Variants in PAPSS1 observed in about 807,000 individuals in gnomAD.
PAPSS1 encodes 3'-phosphoadenosine 5'-phosphosulfate synthase 1.
PAPSS1 carries 50 observed loss-of-function variants against 72.0 expected under a neutral mutation model. That is an observed-to-expected ratio of 0.69 (90% CI 0.55 to 0.88). The LOEUF (loss-of-function observed/expected upper bound fraction) is 0.88. PAPSS1 is among the 40% of genes least tolerant of loss of function. PAPSS1 has a pLI of 0.00. For synonymous variants in PAPSS1, 261 were observed against 263.6 expected, an observed-to-expected ratio of 0.99 and a Z score of 0.09; for missense variants, 657 against 782.2, an observed-to-expected ratio of 0.84 and a Z score of 1.91.
intron 10 of PAPSS1, among the ~76,000 whole-genome samples, chr4:107,643,163 G>A (rs56282641): frequency 0.23 from 34,235 of 152,050 alleles, 3,910 homozygotes; most frequent in East Asian, 0.37. Flanking sequence ...AGCCAGACAC[G>A]AAAGAGTATA....
At chr4:107,662,921 T>C (rs905060197) in intron 5 of PAPSS1, among the ~76,000 whole-genome samples, 2 of 152,206 alleles carry the variant, frequency 1.3e-5, no homozygotes, top group African/African-American at 2.4e-5. Context: ...GACAATACGA[T>C]GTGCATTAAG....
chr4:107,659,147 T>C (rs1727099022), intron 6 of PAPSS1, among the ~76,000 whole-genome samples: 1 of 152,216 alleles, frequency 6.6e-6, no homozygotes, highest in Non-Finnish European at 1.5e-5. Flanking sequence ...TTCTCCCTTC[T>C]TGTCACTCCC....
At chr4:107,662,304 T>C (rs145824699) in intron 5 of PAPSS1, among the ~76,000 whole-genome samples, 6 of 152,292 alleles carry the variant, frequency 3.9e-5, no homozygotes, top group Non-Finnish European at 5.9e-5. Flanking sequence ...ATTAGACACT[T>C]TGTATACCTT....
At chr4:107,638,867 GT>G (rs1726458244) in intron 10 of PAPSS1, among the ~76,000 whole-genome samples, 1 of 152,126 alleles carries the variant, frequency 6.6e-6, no homozygotes. Context: ...TATTATTCCT[GT>G]TTTACAAATA....
intron 11 of PAPSS1, among the ~76,000 whole-genome samples, chr4:107,624,901 G>A (rs151337339): frequency 5.9e-5 from 9 of 152,280 alleles, no homozygotes; most frequent in Middle Eastern, 3.4e-3. Flanking sequence ...AAATACTTGT[G>A]TATTGCAAAG....
chr4:107,656,274 C>T (rs1560574290), intron 7 of PAPSS1, among the ~76,000 whole-genome samples: 1 of 152,082 alleles, frequency 6.6e-6, no homozygotes, highest in Non-Finnish European at 1.5e-5. Flanking sequence ...CACCACCACA[C>T]CTAGCTAAGT....
chr4:107,619,190 T>C (rs1344627216), intron 11 of PAPSS1, among the ~76,000 whole-genome samples: 1 of 152,206 alleles, frequency 6.6e-6, no homozygotes, highest in East Asian at 1.9e-4. Flanking sequence ...TTAAAGTCCT[T>C]TCTTTCCCCA....
chr4:107,674,084 T>C (rs1326411373), intron 5 of PAPSS1, among the ~76,000 whole-genome samples: 1 of 152,166 alleles, frequency 6.6e-6, no homozygotes, highest in Non-Finnish European at 1.5e-5. Flanking sequence ...TACCAGCCAC[T>C]GCAAAAATGT....
intron 4 of PAPSS1, among the ~76,000 whole-genome samples, chr4:107,683,091 C>G (rs899436928): frequency 7.2e-5 from 11 of 152,028 alleles, no homozygotes; most frequent in Non-Finnish European, 1.3e-4. Flanking sequence ...TGACCTTACC[C>G]CACACGTAAG....
intron 11 of PAPSS1, among the ~76,000 whole-genome samples, chr4:107,615,271 C>CA (rs1725790892): frequency 6.6e-6 from 1 of 152,124 alleles, no homozygotes; most frequent in African/African-American, 2.4e-5. Flanking sequence ...TTCATCCATC[C>CA]TCGTCTCTCA....
chr4:107,637,219 G>A (rs1395957830), intron 10 of PAPSS1, among the ~76,000 whole-genome samples: 1 of 152,142 alleles, frequency 6.6e-6, no homozygotes, highest in East Asian at 1.9e-4. Flanking sequence ...ATGTTATTGA[G>A]AAGAGTTTCT....
chr4:107,713,627 G>A (rs1723558560), intron 1 of PAPSS1, among the ~76,000 whole-genome samples: 1 of 151,836 alleles, frequency 6.6e-6, no homozygotes, highest in Non-Finnish European at 1.5e-5. Context: ...GCATGTTGGT[G>A]CACACCTGTA....
rs912559063 is a variant in PAPSS1 at position 107,701,302 on chromosome 4, A to G, written c.61-17T>C. ...CTGCATTCCCTAGAAAAAAAAGAAAAAAAAAATTCTAGTTTACATGAGTCC... is the reference window on the plus strand; with the variant it reads ...CTGCATTCCCTAGAAAAAAAAGAAAGAAAAAATTCTAGTTTACATGAGTCC... On this transcript the variant is annotated splice_polypyrimidine_tract_variant and intron_variant, in intron 1 of 11. Transcript: ENST00000265174. 6.4e-7 allele frequency: 1 copy of G among 1,567,822 alleles called. No homozygotes were observed. The highest frequency in any genetic ancestry group is 1.7e-5 in the Admixed American group (1 of 57,864).
Position 107,614,368 on chromosome 4 carries a change from T to C in PAPSS1, c.1756A>G (p.Ile586Val), listed in dbSNP as rs745551173. 1.2e-6 allele frequency: 2 copies of C among 1,613,690 alleles called. No individual in the cohort carries two copies. The highest frequency in any genetic ancestry group is 1.7e-6 in the Non-Finnish European group (2 of 1,179,714). The stretch of plus-strand genomic sequence containing the variant: ...AGTTTGCGCATTCGTGTTCCTGAAA[T>C]AAATTCAAAGTCTTCATGGCTAAAG... The part of the protein sequence containing the change: ...DSEHHEDFEF[I>V]SGTRMRKLAR... Residue 586 changes from isoleucine to valine, a missense_variant, in exon 12 of 12, where the codon ATT (isoleucine) becomes GTT (valine). Coordinates refer to ENST00000265174, the MANE Select transcript of PAPSS1 (RefSeq NM_005443.5).
chr4:107,720,049 C>G (rs1320963744), intron 1 of PAPSS1, 71 bp downstream of exon 1: 2 of 1,517,620 alleles, frequency 1.3e-6, no homozygotes, highest in African/African-American at 2.8e-5. Flanking sequence ...GGGAGAGAGG[C>G]GGCGGCTCCG....
In PAPSS1 at chr4:107,661,248, TGGTGG is replaced by T. The variant is rs371381176; in HGVS notation, c.670-1181_670-1177del. Among the ~76,000 whole-genome samples the T allele has an allele frequency of 2.8e-4, 42 of 152,302 alleles. No homozygotes were observed. The East Asian group carries it at 6.9e-3, about 25-fold the overall frequency. On this transcript the variant is annotated intron_variant, in intron 5 of 11. Transcript: ENST00000265174. ...AGCAATAGGAACCCTCATTCATAGC[TGGTGG>T]GGATGCAAAATGGTACAGCTACTTT...
At chr4:107,693,747 G>A (rs766572275) in intron 3 of PAPSS1, 24 bp downstream of exon 3, 49 of 1,503,248 alleles carry the variant, frequency 3.3e-5, no homozygotes, top group Admixed American at 5.0e-5. Context: ...TAAGCAGAAA[G>A]GCAATGGCAC....
At chr4:107,665,971 G>A (rs1463005742) in intron 5 of PAPSS1, among the ~76,000 whole-genome samples, 1 of 152,056 alleles carries the variant, frequency 6.6e-6, no homozygotes, top group Non-Finnish European at 1.5e-5. Context: ...AATACTTTCT[G>A]TACTTTTTTC....
At chr4:107,619,082 A>C (rs1003453924) in intron 11 of PAPSS1, among the ~76,000 whole-genome samples, 2 of 152,184 alleles carry the variant, frequency 1.3e-5, no homozygotes, top group Non-Finnish European at 2.9e-5. Context: ...AAAACTTGTC[A>C]CTTGCTTTAT....
Sources: gnomAD v4.1 joint callset for allele counts (sites outside exome capture counted in the v4.1 genomes callset) on GRCh38, gnomAD v4.1.1 for gene constraint, MANE v1.5 for transcripts, NCBI Gene and HGNC (gene_info 2026-07-23, HGNC 2026-07-21) for gene names.